DENND2A: variants seen among roughly 807,000 people sequenced by gnomAD.
The protein encoded by DENND2A is DENN domain containing 2A.
Under a neutral mutation model 105.3 loss-of-function variants are expected in DENND2A, and 53 were observed. The ratio of observed to expected loss-of-function variants is 0.50; its 90% CI spans 0.40 to 0.63. DENND2A has a LOEUF of 0.63. Ranked by LOEUF, DENND2A falls within the 30% of genes least tolerant of loss-of-function variation. The pLI, the probability that DENND2A is intolerant of heterozygous loss-of-function variation, is 0.00. For missense variants in DENND2A, 1,138 were observed against 1,279.6 expected, an observed-to-expected ratio of 0.89 and a Z score of 1.69; for synonymous variants, 522 against 508.4, an observed-to-expected ratio of 1.03 and a Z score of -0.36.
rs1483491144 is a variant in DENND2A, at chr7:140,591,657, TTCTTTCTTTCTTTC to T, written c.996-3891_996-3878del. Among the ~76,000 whole-genome samples the T allele has an allele frequency of 8.8e-5, 13 of 147,866 alleles. No individual in the cohort carries two copies. In the South Asian group the frequency reaches 1.7e-3, roughly 19 times the overall value. Reference sequence around the variant, plus strand: ...CTTTATTTTCCCTCCCTTCCTTCCTTTCTTTCTTTCTTTCTCTTTCTTTCTTTCTTTCTTTCCTT... The same window carrying T: ...CTTTATTTTCCCTCCCTTCCTTCCTTTCTTTCTTTCTTTCTTTCTTTCCTT... On this transcript the variant is annotated intron_variant, in intron 3 of 19. Transcript: ENST00000496613.
In DENND2A at chr7:140,547,431, G is replaced by A. The variant is rs553574314; in HGVS notation, c.2038-492C>T. Among the ~76,000 whole-genome samples the A allele has an allele frequency of 5.3e-5, 8 of 152,244 alleles. No individual in the cohort carries two copies. In the East Asian group the frequency reaches 1.5e-3, roughly 29 times the overall value. ...AAAATACAAATCAAAAGCACCATGA[G>A]ATACCACTTCACACCCGTTAGGATG... On this transcript the variant is annotated intron_variant, in intron 12 of 19. Coordinates refer to ENST00000496613, the MANE Select transcript of DENND2A (RefSeq NM_015689.5).
intron 15 of DENND2A, among the ~76,000 whole-genome samples, chr7:140,526,503 C>T (rs1378163202): frequency 2.0e-5 from 3 of 152,196 alleles, no homozygotes; most frequent in South Asian, 4.1e-4. Context: ...GTGAGTTCTC[C>T]CATATCCCAG....
At chr7:140,531,659 CA>C (rs1359232963) in intron 14 of DENND2A, among the ~76,000 whole-genome samples, 3 of 151,350 alleles carry the variant, frequency 2.0e-5, no homozygotes, top group African/African-American at 7.3e-5. Context: ...AATACAAAAA[CA>C]AAAAACGAGT....
rs1217654666 is a variant in DENND2A at position 140,527,511 on chromosome 7, G to C, written c.2328-16C>G. The C allele has an allele frequency of 6.3e-7, 1 of 1,583,672 alleles. No homozygotes were observed. Among genetic ancestry groups the C allele is most frequent in the African/African-American group, 1.3e-5 (1 of 74,680 alleles). On this transcript the variant is annotated splice_polypyrimidine_tract_variant and intron_variant, in intron 14 of 19. Coordinates refer to ENST00000496613, the MANE Select transcript of DENND2A (RefSeq NM_015689.5). This position sits in a 1 kb window ranked among gnomAD's most constrained non-coding sequence, Gnocchi z 4.9. ...GGACAGGATGCTGCAGCCGGGGAGAGAACAGGGAGAGAGGCCGACTCAGCG... is the reference window on the plus strand; with the variant it reads ...GGACAGGATGCTGCAGCCGGGGAGACAACAGGGAGAGAGGCCGACTCAGCG...
chr7:140,583,063 G>A (rs1176697898), intron 5 of DENND2A, among the ~76,000 whole-genome samples: 3 of 151,854 alleles, frequency 2.0e-5, no homozygotes, highest in Non-Finnish European at 4.4e-5. Context: ...AGGCTGAGGC[G>A]GGTAGATCAT....
chr7:140,614,450 A>G lies in DENND2A; in HGVS notation c.-247-8644T>C, dbSNP rs1267121205. Among the ~76,000 whole-genome samples, 8 of 152,324 alleles carry G rather than the reference A, an allele frequency of 5.3e-5. No individual in the cohort carries two copies. In the South Asian group the frequency reaches 1.7e-3, roughly 32 times the overall value. ...ACTTGTGTTTCTTTTTCCCAGGGGT[A>G]TCCTCAACCTGGGCAAAATAAACCT... On this transcript the variant is annotated intron_variant, in intron 1 of 19. Transcript: ENST00000496613.
At chr7:140,592,378 T>A (rs60376704) in intron 3 of DENND2A, among the ~76,000 whole-genome samples, 1,931 of 151,818 alleles carry the variant, frequency 0.013, 32 homozygotes, top group African/African-American at 0.043. Flanking sequence ...AGCTATTTTT[T>A]AAAATTTTAT....
At position 140,602,415 on chromosome 7, in the gene DENND2A, G is replaced by A; in HGVS notation, c.-18C>T. 1 of 1,529,946 alleles carries A rather than the reference G, an allele frequency of 6.5e-7. No homozygotes were observed. Among genetic ancestry groups the A allele is most frequent in the South Asian group, 1.3e-5 (1 of 79,836 alleles). The allele number at this position is 1,529,946 out of a possible 1,614,324, so 94.8% of individuals were successfully genotyped here. A position where few individuals can be genotyped will look rare whatever the true frequency, so the allele number is the denominator to read the frequency against. ...ATATCCATTCTTGACTCTAGCGTGAGGTTGTGGAGGCCTTCCAGGGGACTC... is the reference window on the plus strand; with the variant it reads ...ATATCCATTCTTGACTCTAGCGTGAAGTTGTGGAGGCCTTCCAGGGGACTC... On this transcript the variant is annotated 5_prime_UTR_variant, in exon 3 of 20. Coordinates refer to ENST00000496613, the MANE Select transcript of DENND2A (RefSeq NM_015689.5).
intron 2 of DENND2A, among the ~76,000 whole-genome samples, chr7:140,603,811 T>C (rs186557822): frequency 6.6e-6 from 1 of 152,238 alleles, no homozygotes; most frequent in Admixed American, 6.5e-5. Context: ...ACCTGCCACA[T>C]GTCAAGGACT....
At chr7:140,557,420 T>C (rs2130562570) in intron 11 of DENND2A, among the ~76,000 whole-genome samples, 1 of 148,204 alleles carries the variant, frequency 6.7e-6, no homozygotes, top group East Asian at 2.0e-4. Context: ...TAAAAGTATT[T>C]TCTTTCTGAT....
chr7:140,581,435 TGACCC>T (rs1184608921), intron 5 of DENND2A, among the ~76,000 whole-genome samples: 2 of 152,178 alleles, frequency 1.3e-5, no homozygotes, highest in Non-Finnish European at 2.9e-5. Context: ...GAAATTCTAG[TGACCC>T]GAATAACTAG....
chr7:140,538,534 TCTCA>T (rs1395247617), intron 14 of DENND2A, among the ~76,000 whole-genome samples: 1 of 152,090 alleles, frequency 6.6e-6, no homozygotes, highest in African/African-American at 2.4e-5. Flanking sequence ...TGAGATAGAG[TCTCA>T]CTCTGTTGCC....
intron 1 of DENND2A, among the ~76,000 whole-genome samples, chr7:140,627,289 G>A (rs966771708): frequency 6.6e-6 from 1 of 152,010 alleles, no homozygotes; most frequent in Non-Finnish European, 1.5e-5. Context: ...TTGGCTCACT[G>A]CAACCTCCAC....
At chr7:140,587,253 G>C (rs529439195) in intron 4 of DENND2A, among the ~76,000 whole-genome samples, 24 of 152,060 alleles carry the variant, frequency 1.6e-4, no homozygotes, top group African/African-American at 2.2e-4. Flanking sequence ...CCTTGCAAGG[G>C]AGCTAGCTTC....
rs1795951483 is a variant in DENND2A, at chr7:140,523,910, C to T, written c.2548-486G>A. Among the ~76,000 whole-genome samples, 1 of 152,000 alleles carries T rather than the reference C, an allele frequency of 6.6e-6. No homozygotes were observed. Among genetic ancestry groups the T allele is most frequent in the African/African-American group, 2.4e-5 (1 of 41,266 alleles). The stretch of plus-strand genomic sequence containing the variant: ...TACAAGCAACGGGAGCCTCGTTTTC[C>T]CCACTTGTAAAATGGACTACCAATC... On this transcript the variant is annotated intron_variant, in intron 16 of 19. Transcript: ENST00000496613. This position sits in a 1 kb window ranked among gnomAD's most constrained non-coding sequence, Gnocchi z 4.5.
At chr7:140,638,260 C>T (rs1340203028) in intron 1 of DENND2A, among the ~76,000 whole-genome samples, 1 of 152,184 alleles carries the variant, frequency 6.6e-6, no homozygotes, top group East Asian at 1.9e-4. Context: ...AAACTTACAG[C>T]CAAATGCGTT....
intron 2 of DENND2A, among the ~76,000 whole-genome samples, chr7:140,602,901 C>G (rs1799569391): frequency 6.6e-6 from 1 of 152,106 alleles, no homozygotes; most frequent in East Asian, 1.9e-4. Flanking sequence ...GTCAGATAGG[C>G]TTGGGTTTAA....
chr7:140,570,654 T>A (rs985339230), intron 6 of DENND2A, among the ~76,000 whole-genome samples: 1 of 152,166 alleles, frequency 6.6e-6, no homozygotes, highest in Non-Finnish European at 1.5e-5. Flanking sequence ...ACACATGCAG[T>A]GTGCAAGTGC....
chr7:140,562,006 C>T (rs1006101709), intron 9 of DENND2A, among the ~76,000 whole-genome samples: 6 of 151,982 alleles, frequency 3.9e-5, no homozygotes, highest in Non-Finnish European at 8.8e-5. Context: ...TCTCCTACCT[C>T]AGCCTCCCAA....
Sources: allele counts gnomAD v4.1 joint callset (sites outside exome capture counted in the v4.1 genomes callset), GRCh38; gene constraint gnomAD v4.1.1; non-coding constraint Gnocchi (gnomAD v3.1); transcripts MANE v1.5; gene names NCBI Gene and HGNC (gene_info 2026-07-23, HGNC 2026-07-21).